Variants in MAPRE2 observed in about 807,000 individuals in gnomAD.
MAPRE2 encodes microtubule associated protein RP/EB family member 2.
In MAPRE2, 13 loss-of-function variants were observed where a neutral mutation model predicts 43.2. That is an observed-to-expected ratio of 0.30 (90% confidence interval 0.20 to 0.48). The LOEUF (loss-of-function observed/expected upper bound fraction) is 0.48, where lower values mean the gene tolerates loss of function less well. Ranked by LOEUF, MAPRE2 falls within the 20% of genes least tolerant of loss-of-function variation. The probability of loss-of-function intolerance (pLI) is 0.99; values close to 1 mark genes in which losing one functional copy is unlikely to be tolerated. For synonymous variants in MAPRE2, 135 were observed against 148.8 expected, an observed-to-expected ratio of 0.91 and a Z score of 0.68; for missense variants, 161 against 400.2, an observed-to-expected ratio of 0.40 and a Z score of 5.10.
chr18:35,142,855 T>C lies in MAPRE2; in HGVS notation c.*2486T>C, dbSNP rs1477801219. Reference sequence around the variant, plus strand: ...TCTCGGCATTCAGGGAACAGTTTCCTTAGCGGCCCCTGGTCACATGTCATC... The same window carrying C: ...TCTCGGCATTCAGGGAACAGTTTCCCTAGCGGCCCCTGGTCACATGTCATC... On this transcript the variant is annotated 3_prime_UTR_variant, in exon 7 of 7. Transcript: ENST00000300249. 6.6e-6 allele frequency: 1 copy of C among 152,028 alleles called. No homozygotes were observed. The highest frequency in any genetic ancestry group is 1.5e-5 in the Non-Finnish European group (1 of 68,018). 9.4% of individuals were successfully genotyped at this position (152,028 alleles called of 1,614,324 possible).
At chr18:34,993,234 G>A (rs1347277688) in intron 1 of MAPRE2, among the ~76,000 whole-genome samples, 2 of 150,812 alleles carry the variant, frequency 1.3e-5, no homozygotes, top group Non-Finnish European at 2.9e-5. Context: ...TGGCAATATA[G>A]GTGTATACCA....
At chr18:35,096,408 A>G (rs1051389142) in intron 2 of MAPRE2, among the ~76,000 whole-genome samples, 1 of 152,224 alleles carries the variant, frequency 6.6e-6, no homozygotes, top group African/African-American at 2.4e-5. Context: ...CCTAAATGCC[A>G]TTAGCCTATA....
chr18:35,039,895 T>C (rs1445382272), upstream of MAPRE2, among the ~76,000 whole-genome samples: 1 of 152,224 alleles, frequency 6.6e-6, no homozygotes, highest in African/African-American at 2.4e-5. Flanking sequence ...CAGAGACCAC[T>C]GCTGATAAGC....
At chr18:35,106,313 T>C (rs1183472957) in intron 4 of MAPRE2, among the ~76,000 whole-genome samples, 1 of 151,350 alleles carries the variant, frequency 6.6e-6, no homozygotes, top group East Asian at 1.9e-4. Flanking sequence ...TTAGTGGATT[T>C]ATCTCTCCCC....
chr18:35,129,023 T>G (rs1157871548), intron 5 of MAPRE2, among the ~76,000 whole-genome samples: 3 of 151,990 alleles, frequency 2.0e-5, no homozygotes, highest in Non-Finnish European at 4.4e-5. Context: ...ACAATGCCAC[T>G]CAGAGAACCG....
chr18:35,047,453 T>C (rs1183351023), intron 1 of MAPRE2, among the ~76,000 whole-genome samples: 1 of 152,162 alleles, frequency 6.6e-6, no homozygotes, highest in East Asian at 1.9e-4. Flanking sequence ...AAATTCCGAT[T>C]GTTTATCTTA....
intron 5 of MAPRE2, among the ~76,000 whole-genome samples, chr18:35,130,029 T>G (rs1268021748): frequency 6.6e-6 from 1 of 152,142 alleles, no homozygotes; most frequent in African/African-American, 2.4e-5. Flanking sequence ...GAAGCCTGAT[T>G]TGCACTAAAG....
At chr18:35,027,176 A>G (rs1008388846) in intron 2 of MAPRE2, among the ~76,000 whole-genome samples, 1 of 152,174 alleles carries the variant, frequency 6.6e-6, no homozygotes, top group African/African-American at 2.4e-5. Context: ...CTCCCATCCC[A>G]CAGGTTTTCT....
At chr18:35,000,622 A>C (rs1356029085) in intron 1 of MAPRE2, among the ~76,000 whole-genome samples, 1 of 152,110 alleles carries the variant, frequency 6.6e-6, no homozygotes, top group East Asian at 1.9e-4. Context: ...GAAACAGAGA[A>C]TGTGCTTTGT....
At chr18:35,062,497 C>T (rs1328822173) in intron 1 of MAPRE2, among the ~76,000 whole-genome samples, 3 of 152,218 alleles carry the variant, frequency 2.0e-5, no homozygotes, top group African/African-American at 7.2e-5. Context: ...ATGCACCTCA[C>T]TTTACCTGCT....
At chr18:35,056,246 CA>C (rs1249789725) in intron 1 of MAPRE2, among the ~76,000 whole-genome samples, 1 of 151,888 alleles carries the variant, frequency 6.6e-6, no homozygotes, top group South Asian at 2.1e-4. Context: ...TCCTTTGTAG[CA>C]TTATACATAT....
chr18:35,054,724 C>G, intron 1 of MAPRE2, among the ~76,000 whole-genome samples: 1 of 152,078 alleles, frequency 6.6e-6, no homozygotes, highest in Non-Finnish European at 1.5e-5. Flanking sequence ...AAGATGATTA[C>G]TTGGTTTTTT....
upstream of MAPRE2, among the ~76,000 whole-genome samples, chr18:35,037,612 A>ATAAGACAAAACC (rs1364969026): frequency 1.3e-4 from 20 of 152,194 alleles, no homozygotes; most frequent in Admixed American, 1.3e-3. Flanking sequence ...GCCTGTGTAC[A>ATAAGACAAAACC]TAAGACAAAA....
chr18:35,093,895 T>C (rs1368953967), intron 2 of MAPRE2, among the ~76,000 whole-genome samples: 1 of 152,200 alleles, frequency 6.6e-6, no homozygotes, highest in Non-Finnish European at 1.5e-5. Flanking sequence ...GTTGTATATT[T>C]CATATTCCCC....
intron 1 of MAPRE2, among the ~76,000 whole-genome samples, chr18:34,995,325 C>G (rs942388616): frequency 2.0e-5 from 3 of 152,254 alleles, no homozygotes; most frequent in Admixed American, 2.0e-4. Context: ...GCAGGACTTC[C>G]AAGCATCTTC....
chr18:35,038,920 C>T (rs2097052064), upstream of MAPRE2, among the ~76,000 whole-genome samples: 1 of 152,220 alleles, frequency 6.6e-6, no homozygotes, highest in Non-Finnish European at 1.5e-5. Flanking sequence ...TGGGGCCCTT[C>T]ACCTGACTCA....
At chr18:35,068,029 A>G (rs1255022866) in intron 1 of MAPRE2, among the ~76,000 whole-genome samples, 1 of 152,174 alleles carries the variant, frequency 6.6e-6, no homozygotes, top group African/African-American at 2.4e-5. Context: ...CAATTTAGAG[A>G]TAAGGGTGCT....
intron 2 of MAPRE2, among the ~76,000 whole-genome samples, chr18:35,090,759 G>GA (rs1384695499): frequency 6.7e-6 from 1 of 148,672 alleles, no homozygotes; most frequent in Non-Finnish European, 1.5e-5. Flanking sequence ...AAAAGAAAAA[G>GA]AAAAAAAATA....
intron 2 of MAPRE2, among the ~76,000 whole-genome samples, chr18:35,082,686 T>A (rs921358367): frequency 1.1e-4 from 16 of 152,154 alleles, no homozygotes; most frequent in Non-Finnish European, 2.1e-4. Flanking sequence ...ATTGAGTACT[T>A]GTTTTAAGTC....
Sources: allele counts gnomAD v4.1 joint callset (sites outside exome capture counted in the v4.1 genomes callset), GRCh38; gene constraint gnomAD v4.1.1; transcripts MANE v1.5; gene names NCBI Gene and HGNC (gene_info 2026-07-23, HGNC 2026-07-21).